Variants in VPS13A observed in about 807,000 individuals in gnomAD.
The protein encoded by VPS13A is intermembrane lipid transfer protein VPS13A.
VPS13A carries 264 observed loss-of-function variants against 390.9 expected under a neutral mutation model. The ratio of observed to expected loss-of-function variants is 0.68; its 90% CI spans 0.61 to 0.75. The LOEUF is 0.75. Among genes scored for constraint, VPS13A ranks in the 30% least tolerant of loss-of-function variants. The pLI, the probability that VPS13A is intolerant of heterozygous loss-of-function variation, is 0.00. For missense variants in VPS13A, 3,409 were observed against 3,733.9 expected (o/e 0.91, Z 2.27); for synonymous variants, 1,231 against 1,227.1 (o/e 1.00, Z -0.07).
intron 5 of VPS13A, among the ~76,000 whole-genome samples, chr9:77,207,979 G>A (rs898732643): frequency 6.6e-6 from 1 of 152,054 alleles, no homozygotes; most frequent in African/African-American, 2.4e-5. Context: ...ATTCAGGATT[G>A]GTACTTTATT....
At chr9:77,402,331 T>A (rs1453509620) in intron 68 of VPS13A, among the ~76,000 whole-genome samples, 1 of 152,212 alleles carries the variant, frequency 6.6e-6, no homozygotes, top group Non-Finnish European at 1.5e-5. Flanking sequence ...TTCTTAGCTT[T>A]CTTCTAAGCT....
intron 16 of VPS13A, 22 bp downstream of exon 16, chr9:77,227,507 T>C (rs1823582624): frequency 1.3e-6 from 2 of 1,501,822 alleles, no homozygotes; most frequent in Non-Finnish European, 1.8e-6. Flanking sequence ...TCTTGCCTTA[T>C]ACCTTAGAAT....
intron 20 of VPS13A, among the ~76,000 whole-genome samples, chr9:77,249,478 A>C (rs1000277737): frequency 2.0e-5 from 3 of 152,212 alleles, no homozygotes; most frequent in African/African-American, 7.2e-5. Flanking sequence ...TGTTTACTTC[A>C]CATGAGCTAT....
At chr9:77,400,527 CTT>C (rs1834334802) in intron 68 of VPS13A, among the ~76,000 whole-genome samples, 2 of 151,962 alleles carry the variant, frequency 1.3e-5, no homozygotes, top group South Asian at 4.2e-4. Context: ...GCCTTTCCCA[CTT>C]CAAGATTATT....
intron 23 of VPS13A, among the ~76,000 whole-genome samples, chr9:77,268,989 T>G (rs1299780924): frequency 6.6e-6 from 1 of 152,042 alleles, no homozygotes; most frequent in Non-Finnish European, 1.5e-5. Context: ...TCCTGAATAC[T>G]TTAGTGTTTT....
chr9:77,247,486 T>C, intron 20 of VPS13A, 91 bp downstream of exon 20: 1 of 1,342,438 alleles, frequency 7.4e-7, no homozygotes, highest in Non-Finnish European at 1.0e-6. Flanking sequence ...TTTGATTTAT[T>C]GCTTTTTTTC....
At chr9:77,379,628 C>T (rs1349674242) in intron 67 of VPS13A, among the ~76,000 whole-genome samples, 1 of 152,136 alleles carries the variant, frequency 6.6e-6, no homozygotes, top group African/African-American at 2.4e-5. Context: ...ACCACCTCGG[C>T]CTCGCAAAGT....
In VPS13A at chr9:77,370,939, A is replaced by G. The variant is rs375595113; in HGVS notation, c.8953+4A>G. 1.2e-6 allele frequency: 2 copies of G among 1,613,980 alleles called. No homozygotes were observed. The highest frequency in any genetic ancestry group is 2.7e-5 in the African/African-American group (2 of 74,938). ...ATTGTTACAAAACCAATCAAAGGCA[A>G]GTATAGTAGTTCCTTTGCAAGTCTT... On this transcript the variant is annotated splice_donor_region_variant and intron_variant, in intron 66 of 71. Coordinates refer to ENST00000360280, the MANE Select transcript of VPS13A (RefSeq NM_033305.3).
intron 68 of VPS13A, among the ~76,000 whole-genome samples, chr9:77,399,186 A>C (rs1587719543): frequency 8.4e-6 from 1 of 118,460 alleles, no homozygotes; most frequent in East Asian, 2.1e-4. Context: ...AAAAATAAAA[A>C]AAAAAAAAAA....
intron 22 of VPS13A, among the ~76,000 whole-genome samples, chr9:77,259,279 G>C (rs149914639): frequency 6.1e-4 from 93 of 152,202 alleles, no homozygotes; most frequent in Non-Finnish European, 9.6e-4. Context: ...TGCGCAACTT[G>C]CAGATTTTTC....
intron 13 of VPS13A, among the ~76,000 whole-genome samples, chr9:77,225,163 A>G (rs1031812076): frequency 2.0e-5 from 3 of 152,224 alleles, no homozygotes; most frequent in Non-Finnish European, 4.4e-5. Context: ...CACTTGCCAT[A>G]CTGTGGTGAT....
At chr9:77,404,990 CTTTT>C (rs796595000) in intron 69 of VPS13A, among the ~76,000 whole-genome samples, 1 of 146,710 alleles carries the variant, frequency 6.8e-6, no homozygotes, top group African/African-American at 2.5e-5. Flanking sequence ...GGAGTCAGAC[CTTTT>C]TTTTTTTAAC....
At chr9:77,198,206 G>A (rs1051028870) in intron 1 of VPS13A, among the ~76,000 whole-genome samples, 1 of 151,890 alleles carries the variant, frequency 6.6e-6, no homozygotes, top group African/African-American at 2.4e-5. Context: ...GCCCGGAATT[G>A]GATCCTCAGG....
At chr9:77,327,511 C>G (rs1830072588) in intron 45 of VPS13A, among the ~76,000 whole-genome samples, 1 of 151,882 alleles carries the variant, frequency 6.6e-6, no homozygotes, top group African/African-American at 2.4e-5. Context: ...GTTTTATATG[C>G]TGCTATGAAG....
At chr9:77,325,533 A>T (rs1829970868) in intron 45 of VPS13A, among the ~76,000 whole-genome samples, 1 of 141,412 alleles carries the variant, frequency 7.1e-6, no homozygotes, top group African/African-American at 2.6e-5. Context: ...TATTTGTCTC[A>T]TTTGTTCTTT....
intron 54 of VPS13A, among the ~76,000 whole-genome samples, chr9:77,355,606 G>C (rs1831730197): frequency 6.6e-6 from 1 of 152,108 alleles, no homozygotes; most frequent in South Asian, 2.1e-4. Flanking sequence ...TCTCTATTCA[G>C]ATATCTAAGA....
intron 68 of VPS13A, chr9:77,384,689 A>G: frequency 1.9e-6 from 3 of 1,596,796 alleles, no homozygotes; most frequent in Non-Finnish European, 1.7e-6. Flanking sequence ...ATTAAAATTC[A>G]TATGTTCTTT....
chr9:77,260,513 G>A (rs978048028), intron 23 of VPS13A, among the ~76,000 whole-genome samples: 1 of 151,394 alleles, frequency 6.6e-6, no homozygotes, highest in South Asian at 2.1e-4. Flanking sequence ...CCGCCACCAC[G>A]CCCGGCTAAT....
chr9:77,317,087 T>C (rs1421599680), intron 39 of VPS13A, among the ~76,000 whole-genome samples: 1 of 152,030 alleles, frequency 6.6e-6, no homozygotes, highest in Non-Finnish European at 1.5e-5. Flanking sequence ...TATAGAAGCA[T>C]AAATGTTCTA....
Sources: gnomAD v4.1 joint callset for allele counts (sites outside exome capture counted in the v4.1 genomes callset) on GRCh38, gnomAD v4.1.1 for gene constraint, MANE v1.5 for transcripts, NCBI Gene and HGNC (gene_info 2026-07-23, HGNC 2026-07-21) for gene names.